Variants in MECOM observed in about 807,000 individuals in gnomAD.
MECOM encodes the protein histone-lysine N-methyltransferase MECOM.
Under a neutral mutation model 116.3 loss-of-function variants are expected in MECOM, and 13 were observed. That is an observed-to-expected ratio of 0.11 (90% confidence interval 0.07 to 0.18). The LOEUF (loss-of-function observed/expected upper bound fraction) is 0.18, where lower values mean the gene tolerates loss of function less well. MECOM is among the 10% of genes least tolerant of loss of function. MECOM has a pLI of 1.00. For synonymous variants in MECOM, 528 were observed against 535.2 expected (o/e 0.99, Z 0.19); for missense variants, 1,299 against 1,509.0 (o/e 0.86, Z 2.31).
chr3:169,316,329 T>G (rs1719740186), intron 2 of MECOM, among the ~76,000 whole-genome samples: 1 of 152,234 alleles, frequency 6.6e-6, no homozygotes, highest in Admixed American at 6.5e-5. Flanking sequence ...AAAAGAACAG[T>G]ATCTATAAAC....
chr3:169,199,057 T>TGTCA (rs1748817308), intron 2 of MECOM, among the ~76,000 whole-genome samples: 1 of 152,090 alleles, frequency 6.6e-6, no homozygotes, highest in Non-Finnish European at 1.5e-5. Context: ...GTGTCCCCAA[T>TGTCA]GTCACCTCTA....
chr3:169,311,739 G>A lies in MECOM; in HGVS notation c.375+69448C>T, dbSNP rs191199369. Among the ~76,000 whole-genome samples, 19 of 151,772 alleles carry A rather than the reference G, an allele frequency of 1.3e-4. 1 individual carries two copies. The highest frequency in any genetic ancestry group is 4.1e-4 in the African/African-American group (17 of 41,336). On this transcript the variant is annotated intron_variant, in intron 2 of 16. Coordinates refer to ENST00000651503, the MANE Select transcript of MECOM (RefSeq NM_004991.4). ...TTACCTTTCTCTAAATTTTTAAAAT[G>A]GGAACTGGACAAGGATGGAGAGCAA... is the stretch of plus-strand genomic sequence containing the variant.
At chr3:169,499,959 G>C (rs758354353) in intron 1 of MECOM, among the ~76,000 whole-genome samples, 3 of 152,030 alleles carry the variant, frequency 2.0e-5, no homozygotes, top group Non-Finnish European at 2.9e-5. Context: ...TCTATCTCCA[G>C]AAGAGATAAA....
intron 2 of MECOM, among the ~76,000 whole-genome samples, chr3:169,182,487 T>C (rs377363691): frequency 6.6e-6 from 1 of 152,212 alleles, no homozygotes; most frequent in Non-Finnish European, 1.5e-5. Context: ...GCAAAGCAAG[T>C]TGTGAGTCTA....
intron 2 of MECOM, among the ~76,000 whole-genome samples, chr3:169,255,806 C>T (rs1393408869): frequency 6.6e-6 from 1 of 152,160 alleles, no homozygotes; most frequent in Non-Finnish European, 1.5e-5. Context: ...CGATGTTCCA[C>T]AATTTCCACA....
chr3:169,160,993 T>C (rs1051898061), intron 2 of MECOM, among the ~76,000 whole-genome samples: 1 of 152,212 alleles, frequency 6.6e-6, no homozygotes, highest in African/African-American at 2.4e-5. Context: ...TTGGTTCTGC[T>C]GGCTGGGAGT....
chr3:169,378,476 A>AGC (rs1426783552), intron 2 of MECOM, among the ~76,000 whole-genome samples: 4 of 39,496 alleles, frequency 1.0e-4, no homozygotes, highest in Non-Finnish European at 8.1e-5. Flanking sequence ...CAAGCAAGCA[A>AGC]GAAAGAGAGA....
At chr3:169,183,811 CACACACACAT>C (rs1189805376) in intron 2 of MECOM, among the ~76,000 whole-genome samples, 29 of 50,486 alleles carry the variant, frequency 5.7e-4, no homozygotes, top group African/African-American at 2.9e-3. Flanking sequence ...CACACACACA[CACACACACAT>C]ATATATATAT....
chr3:169,531,965 G>A (rs1758687417), intron 1 of MECOM, among the ~76,000 whole-genome samples: 1 of 152,164 alleles, frequency 6.6e-6, no homozygotes, highest in African/African-American at 2.4e-5. Context: ...TCCGCTGGAT[G>A]CATCATCTTG....
intron 10 of MECOM, among the ~76,000 whole-genome samples, chr3:169,106,719 A>G (rs1260380956): frequency 6.6e-6 from 1 of 152,262 alleles, no homozygotes; most frequent in South Asian, 2.1e-4. Context: ...CAACCACCTA[A>G]CAAGAGAGCT....
intron 2 of MECOM, among the ~76,000 whole-genome samples, chr3:169,376,830 T>G (rs1731124167): frequency 6.6e-6 from 1 of 152,126 alleles, no homozygotes; most frequent in Non-Finnish European, 1.5e-5. Flanking sequence ...AAAACTACTT[T>G]AAATTTCATG....
intron 1 of MECOM, among the ~76,000 whole-genome samples, chr3:169,561,460 T>A (rs371159452): frequency 8.5e-5 from 13 of 152,310 alleles, no homozygotes; most frequent in Middle Eastern, 3.4e-3. Context: ...AAAAGCATAC[T>A]GTTGATAAGG....
chr3:169,234,770 C>T (rs896558569), intron 2 of MECOM, among the ~76,000 whole-genome samples: 3 of 152,128 alleles, frequency 2.0e-5, no homozygotes, highest in Non-Finnish European at 4.4e-5. Flanking sequence ...GCTTTCTTTG[C>T]CACTAATTGC....
intron 1 of MECOM, among the ~76,000 whole-genome samples, chr3:169,630,145 C>A (rs1577187927): frequency 1.3e-5 from 2 of 152,178 alleles, no homozygotes; most frequent in South Asian, 4.1e-4. Context: ...CCTGTCATGA[C>A]CCCCTGCTGC....
intron 1 of MECOM, among the ~76,000 whole-genome samples, chr3:169,410,505 A>T (rs1208584517): frequency 6.6e-6 from 1 of 152,182 alleles, no homozygotes; most frequent in African/African-American, 2.4e-5. Context: ...GAGGCCTATG[A>T]CAATATCTCA....
intron 2 of MECOM, among the ~76,000 whole-genome samples, chr3:169,270,923 G>T (rs74556318): frequency 6.6e-6 from 1 of 151,958 alleles, no homozygotes; most frequent in Non-Finnish European, 1.5e-5. Context: ...AATTATTGCT[G>T]GTTTTTAAAT....
intron 16 of MECOM, among the ~76,000 whole-genome samples, chr3:169,085,682 A>G (rs568080268): frequency 6.6e-6 from 1 of 152,326 alleles, no homozygotes; most frequent in South Asian, 2.1e-4. Flanking sequence ...TACCAAAAAA[A>G]TAAAACCAAA....
chr3:169,088,908 C>A (rs1159886535), intron 16 of MECOM, 92 bp downstream of exon 16: 3 of 1,141,600 alleles, frequency 2.6e-6, no homozygotes, highest in Admixed American at 6.0e-5. Context: ...TAAAATATTT[C>A]AAAGATAGAA....
rs377651142 is a variant in MECOM at position 169,220,402 on chromosome 3, C to T, written c.376-76570G>A. ...GACCTCCCTTACCTAAAATTTCTAC[C>T]TGTTCCTCCCACCTGCTAACACTTC... On this transcript the variant is annotated intron_variant, in intron 2 of 16. Coordinates refer to ENST00000651503, the MANE Select transcript of MECOM (RefSeq NM_004991.4). 3.3e-5 allele frequency among the ~76,000 whole-genome samples: 5 copies of T among 152,140 alleles called. No individual in the cohort carries two copies. In the East Asian group the frequency reaches 5.8e-4, roughly 18 times the overall value.
Sources: allele counts gnomAD v4.1 joint callset (sites outside exome capture counted in the v4.1 genomes callset), GRCh38; gene constraint gnomAD v4.1.1; transcripts MANE v1.5; gene names NCBI Gene and HGNC (gene_info 2026-07-23, HGNC 2026-07-21).